The following SLC25A48 variants were observed in gnomAD, a reference collection of about 807,000 sequenced individuals.
SLC25A48 encodes the protein solute carrier family 25 member 48.
In SLC25A48, 29 loss-of-function variants were observed where a neutral mutation model predicts 32.2. The observed-to-expected ratio is 0.90, with a 90% CI of 0.67 to 1.23. SLC25A48 has a LOEUF of 1.23. Among genes scored for constraint, SLC25A48 ranks in the 50% most tolerant of loss-of-function variants. SLC25A48 has a pLI of 0.00. For synonymous variants in SLC25A48, 164 were observed against 172.3 expected, an observed-to-expected ratio of 0.95 and a Z score of 0.38; for missense variants, 399 against 422.7, an observed-to-expected ratio of 0.94 and a Z score of 0.49.
At chr5:135,669,627 G>A (rs1753608576) in intron 3 of SLC25A48, among the ~76,000 whole-genome samples, 1 of 152,128 alleles carries the variant, frequency 6.6e-6, no homozygotes, top group Non-Finnish European at 1.5e-5. Context: ...TTAGTTGAGG[G>A]CTGCTTCTAA....
intron 6 of SLC25A48, chr5:135,874,639 C>A (rs1014626364): frequency 3.7e-5 from 26 of 697,392 alleles, no homozygotes; most frequent in Non-Finnish European, 6.0e-5. Context: ...AGCCCTGACC[C>A]CAGACCTCTG....
intron 1 of SLC25A48, among the ~76,000 whole-genome samples, chr5:135,616,891 G>A (rs1382694301): frequency 2.6e-5 from 4 of 152,162 alleles, no homozygotes; most frequent in African/African-American, 7.2e-5. Context: ...TTATTTCTAT[G>A]TTCATCAGGG....
intron 7 of SLC25A48, among the ~76,000 whole-genome samples, chr5:135,881,531 G>T (rs1215552668): frequency 6.6e-6 from 1 of 152,218 alleles, no homozygotes; most frequent in African/African-American, 2.4e-5. Flanking sequence ...AAAGGAAAAG[G>T]GTAGCAACAC....
chr5:135,885,007 A>G (rs532915813), intron 7 of SLC25A48, among the ~76,000 whole-genome samples: 1 of 152,198 alleles, frequency 6.6e-6, no homozygotes, highest in Non-Finnish European at 1.5e-5. Flanking sequence ...GCCCCAGCTC[A>G]GGACTTTACC....
At chr5:135,662,363 A>C (rs1002573195) in intron 3 of SLC25A48, among the ~76,000 whole-genome samples, 12 of 152,176 alleles carry the variant, frequency 7.9e-5, no homozygotes, top group African/African-American at 2.7e-4. Flanking sequence ...CTGCAGAAGC[A>C]GTCACTGCAG....
intron 3 of SLC25A48, among the ~76,000 whole-genome samples, chr5:135,665,970 C>T (rs578153037): frequency 6.6e-6 from 1 of 152,256 alleles, no homozygotes; most frequent in Admixed American, 6.5e-5. Flanking sequence ...CTAATGTGGA[C>T]TGTCCTTGAA....
At chr5:135,723,966 T>G (rs1403829540) in intron 3 of SLC25A48, among the ~76,000 whole-genome samples, 2 of 152,238 alleles carry the variant, frequency 1.3e-5, no homozygotes, top group Admixed American at 1.3e-4. Context: ...AGATACATTA[T>G]TGACCCAAGA....
chr5:135,621,846 T>C (rs1752333342), intron 1 of SLC25A48, among the ~76,000 whole-genome samples: 1 of 152,196 alleles, frequency 6.6e-6, no homozygotes, highest in Admixed American at 6.5e-5. Flanking sequence ...GTGTGAGAAC[T>C]GCTGTCATAT....
intron 1 of SLC25A48, among the ~76,000 whole-genome samples, chr5:135,607,247 CA>C (rs908325807): frequency 1.3e-3 from 192 of 152,284 alleles, no homozygotes; most frequent in African/African-American, 4.4e-3. Context: ...TTATCAATAG[CA>C]AAAATAGTGG....
At chr5:135,835,033 G>A in intron 1 of SLC25A48, 140 bp downstream of exon 1, 1 of 1,019,702 alleles carries the variant, frequency 9.8e-7, no homozygotes, top group Non-Finnish European at 1.5e-6. Flanking sequence ...GGAGTGCCCG[G>A]CCCCGAGATC....
chr5:135,755,706 C>T (rs1359884727), intron 3 of SLC25A48, among the ~76,000 whole-genome samples: 2 of 151,378 alleles, frequency 1.3e-5, no homozygotes, highest in African/African-American at 4.9e-5. Flanking sequence ...TTTCTTATAT[C>T]TAGTGTCAAC....
intron 3 of SLC25A48, among the ~76,000 whole-genome samples, chr5:135,807,830 A>G (rs970912711): frequency 1.3e-5 from 2 of 150,494 alleles, no homozygotes; most frequent in Non-Finnish European, 3.0e-5. Flanking sequence ...GTGTGTTAAC[A>G]CTGTGTGTTA....
rs549771845 is a variant in SLC25A48 at position 135,853,657 on chromosome 5, A to C, written c.421+836A>C. Among the ~76,000 whole-genome samples the C allele has an allele frequency of 2.0e-5, 3 of 152,260 alleles. No individual in the cohort carries two copies. In the East Asian group the frequency reaches 5.8e-4, roughly 29 times the overall value. ...CTCTTGCTTTCTCCATCACATCTAC[A>C]GTTCCTTCCTCCATGGAAGCCTTGA... On this transcript the variant is annotated intron_variant, in intron 4 of 7. Transcript: ENST00000681962.
At chr5:135,617,714 G>T (rs1752221434) in intron 1 of SLC25A48, among the ~76,000 whole-genome samples, 4 of 151,764 alleles carry the variant, frequency 2.6e-5, no homozygotes, top group Admixed American at 2.0e-4. Flanking sequence ...CCTTGACCCA[G>T]TGGTCATTCA....
intron 3 of SLC25A48, among the ~76,000 whole-genome samples, chr5:135,804,974 A>G (rs1757428319): frequency 6.6e-6 from 1 of 151,496 alleles, no homozygotes; most frequent in African/African-American, 2.4e-5. Flanking sequence ...AGTATTTGTA[A>G]TATCCTAGGT....
chr5:135,748,820 G>A (rs4635928), intron 3 of SLC25A48, among the ~76,000 whole-genome samples: 8,030 of 150,978 alleles, frequency 0.053, 460 homozygotes, highest in African/African-American at 0.15. Flanking sequence ...CCAGGTTCAA[G>A]CGATTCCCCT....
chr5:135,831,958 G>C (rs1017505321), upstream of SLC25A48, among the ~76,000 whole-genome samples: 2 of 152,180 alleles, frequency 1.3e-5, no homozygotes, highest in African/African-American at 4.8e-5. Flanking sequence ...GTCATTGAGG[G>C]GATGGACACT....
intron 3 of SLC25A48, among the ~76,000 whole-genome samples, chr5:135,713,907 G>A (rs1754733659): frequency 1.3e-5 from 2 of 152,194 alleles, no homozygotes; most frequent in Admixed American, 1.3e-4. Context: ...TGGTCGTGTG[G>A]GAAACCATGC....
chr5:135,598,011 AAATC>A lies in SLC25A48; in HGVS notation c.-849+18417_-849+18420del, dbSNP rs200074230. ...AGAGTGAGACTCTGTCTTAAAAAAAAAATCAAACCAAAAAACAAACAAACAAACA... is the reference window on the plus strand; with the variant it reads ...AGAGTGAGACTCTGTCTTAAAAAAAAAAACCAAAAAACAAACAAACAAACA... On this transcript the variant is annotated intron_variant, in intron 1 of 10. Transcript: ENST00000646290. Among the ~76,000 whole-genome samples the A allele has an allele frequency of 1.4e-4, 17 of 124,090 alleles. No individual in the cohort carries two copies. The South Asian group carries it at 2.2e-3, about 16-fold the overall frequency. The allele number at this position is 124,090 out of a possible 152,430, so 81.4% of individuals were successfully genotyped here.
Sources: gnomAD v4.1 joint callset for allele counts (sites outside exome capture counted in the v4.1 genomes callset) on GRCh38, gnomAD v4.1.1 for gene constraint, MANE v1.5 for transcripts, NCBI Gene and HGNC (gene_info 2026-07-23, HGNC 2026-07-21) for gene names.